The following GSE1 variants were observed in gnomAD, a reference collection of about 807,000 sequenced individuals.
GSE1 encodes Gse1 coiled-coil protein, also known as genetic suppressor element 1.
GSE1 carries 32 observed loss-of-function variants against 112.6 expected under a neutral mutation model. The ratio of observed to expected loss-of-function variants is 0.28; its 90% CI spans 0.21 to 0.38. GSE1 has a LOEUF of 0.38. Ranked by LOEUF, GSE1 falls within the 10% of genes least tolerant of loss-of-function variation. GSE1 has a pLI of 1.00. For missense variants in GSE1, 2,348 were observed against 1,699.2 expected, an observed-to-expected ratio of 1.38 and a Z score of -6.71; for synonymous variants, 1,115 against 735.6, an observed-to-expected ratio of 1.52 and a Z score of -8.35.
chr16:85,390,941 G>A (rs1050852403), intron 2 of GSE1, among the ~76,000 whole-genome samples: 4 of 152,202 alleles, frequency 2.6e-5, no homozygotes, highest in Non-Finnish European at 4.4e-5. Context: ...CAGAGGGGCC[G>A]GGCAACGCGG....
At chr16:85,454,968 T>G (rs928651182) in intron 2 of GSE1, among the ~76,000 whole-genome samples, 1 of 152,210 alleles carries the variant, frequency 6.6e-6, no homozygotes, top group Non-Finnish European at 1.5e-5. Context: ...CAGATCTTTC[T>G]GGAGAGCCGT....
intron 1 of GSE1, among the ~76,000 whole-genome samples, chr16:85,215,363 G>A (rs1431662652): frequency 6.6e-6 from 1 of 152,100 alleles, no homozygotes; most frequent in African/African-American, 2.4e-5. Context: ...GAGTCCACAC[G>A]GGCAGGCGGA....
At chr16:85,562,166 C>T (rs571622857) in intron 1 of GSE1, among the ~76,000 whole-genome samples, 1 of 150,808 alleles carries the variant, frequency 6.6e-6, no homozygotes, top group Non-Finnish European at 1.5e-5. Flanking sequence ...TGCTTATTTA[C>T]AGCTCAGAAA....
chr16:85,521,596 G>A (rs911486147), intron 2 of GSE1, among the ~76,000 whole-genome samples: 4 of 152,238 alleles, frequency 2.6e-5, no homozygotes, highest in African/African-American at 9.6e-5. Context: ...TGTCCCTGAA[G>A]TCCCCTTCCT....
At chr16:85,381,331 C>A (rs1365089140) in intron 2 of GSE1, among the ~76,000 whole-genome samples, 1 of 152,168 alleles carries the variant, frequency 6.6e-6, no homozygotes, top group Non-Finnish European at 1.5e-5. Flanking sequence ...TGTGGATAGA[C>A]CCCATGTTAT....
chr16:85,647,319 G>A (rs1385527480), intron 2 of GSE1, among the ~76,000 whole-genome samples: 1 of 152,204 alleles, frequency 6.6e-6, no homozygotes, highest in Non-Finnish European at 1.5e-5. Context: ...TGCGTTTTGG[G>A]GGCTGAGGGG....
chr16:85,670,449 T>C (rs1341762801), intron 14 of GSE1, among the ~76,000 whole-genome samples: 1 of 152,192 alleles, frequency 6.6e-6, no homozygotes, highest in South Asian at 2.1e-4. Flanking sequence ...TTAATGTATG[T>C]TCGTTAGTAT....
At chr16:85,671,190 G>A (rs1198814772) in intron 15 of GSE1, 92 bp downstream of exon 15, 2 of 699,784 alleles carry the variant, frequency 2.9e-6, no homozygotes, top group African/African-American at 1.8e-5. Context: ...GAGAGGAAAT[G>A]TGCTCTTAAG....
chr16:85,499,295 C>CTTTTTT lies in GSE1; in HGVS notation c.2465-134591_2465-134586dup, dbSNP rs568776401. ...GTCAGAGAGAAGGCAGGAAAGTCAC[C>CTTTTTT]TTTTTTTTTTTTTTTTTTTTTTTTT... On this transcript the variant is annotated intron_variant, in intron 2 of 2. Transcript: ENST00000637419. Among the ~76,000 whole-genome samples, 16 of 77,192 alleles carry CTTTTTT rather than the reference C, an allele frequency of 2.1e-4. 2 individuals are homozygous for CTTTTTT. The highest frequency in any genetic ancestry group is 8.2e-4 in the African/African-American group (16 of 19,506). The allele number at this position is 77,192 out of a possible 152,430, so 50.6% of individuals were successfully genotyped here.
chr16:85,458,821 C>T (rs1335736824), intron 2 of GSE1, among the ~76,000 whole-genome samples: 1 of 152,196 alleles, frequency 6.6e-6, no homozygotes, highest in Non-Finnish European at 1.5e-5. Context: ...GATAGAGTCA[C>T]TTTGGGTTCA....
chr16:85,331,375 A>ATATATATGTG (rs2046344599), intron 1 of GSE1, among the ~76,000 whole-genome samples: 2 of 134,398 alleles, frequency 1.5e-5, no homozygotes, highest in African/African-American at 5.5e-5. Context: ...GTATATATGT[A>ATATATATGTG]TATATATGTA....
intron 1 of GSE1, among the ~76,000 whole-genome samples, chr16:85,322,614 CTT>C (rs34218941): frequency 0.089 from 11,234 of 126,084 alleles, 632 homozygotes; most frequent in African/African-American, 0.17. Context: ...CTCCATTTTG[CTT>C]TTTTTTTTTT....
intron 1 of GSE1, among the ~76,000 whole-genome samples, chr16:85,262,667 G>C (rs1907826247): frequency 6.6e-6 from 1 of 152,234 alleles, no homozygotes; most frequent in Admixed American, 6.5e-5. Flanking sequence ...TCTGGATTTA[G>C]CAATCAGACC....
At position 85,673,987 on chromosome 16, in the gene GSE1, C is replaced by CTGGGCTCATCACACCAAGGCAA. The variant is rs2053540478; in HGVS notation, c.*1449_*1470dup. ...TGACAAGCACAGGAACGGTCAGAAA[C>CTGGGCTCATCACACCAAGGCAA]TGGGCTCATCACACCAAGGCAAAGC... On this transcript the variant is annotated 3_prime_UTR_variant, in exon 16 of 16. Transcript: ENST00000253458. 1 of 152,288 alleles carries CTGGGCTCATCACACCAAGGCAA rather than the reference C, an allele frequency of 6.6e-6. No homozygotes were observed. Among genetic ancestry groups the CTGGGCTCATCACACCAAGGCAA allele is most frequent in the African/African-American group, 2.4e-5 (1 of 41,466 alleles). 9.4% of individuals were successfully genotyped at this position (152,288 alleles called of 1,614,324 possible). A position where few individuals can be genotyped will look rare whatever the true frequency, so the allele number is the denominator to read the frequency against.
At chr16:85,550,755 G>A (rs979742569) in intron 2 of GSE1, among the ~76,000 whole-genome samples, 2 of 152,170 alleles carry the variant, frequency 1.3e-5, no homozygotes, top group African/African-American at 2.4e-5. Context: ...GGCTGTCTCC[G>A]TGCTGTGGCA....
chr16:85,576,067 A>G (rs1482521908), intron 1 of GSE1, among the ~76,000 whole-genome samples: 4 of 152,210 alleles, frequency 2.6e-5, no homozygotes, highest in Non-Finnish European at 5.9e-5. Context: ...GTGCCAGGCC[A>G]GAGGCCCACA....
At chr16:85,317,675 T>C (rs2046014755) in intron 1 of GSE1, among the ~76,000 whole-genome samples, 1 of 152,104 alleles carries the variant, frequency 6.6e-6, no homozygotes, top group South Asian at 2.1e-4. Flanking sequence ...CCGAGGCCCC[T>C]GGCAAGATTG....
chr16:85,278,392 G>A (rs921262652), intron 1 of GSE1, among the ~76,000 whole-genome samples: 1 of 152,178 alleles, frequency 6.6e-6, no homozygotes, highest in African/African-American at 2.4e-5. Context: ...GTTTTTGTCT[G>A]TGTTTGCCTG....
intron 1 of GSE1, among the ~76,000 whole-genome samples, chr16:85,600,610 A>C (rs79297484): frequency 0.014 from 2,068 of 150,440 alleles, 39 homozygotes; most frequent in African/African-American, 0.041. Context: ...ACACACACAC[A>C]CCCCAAAAAC....
Sources: gnomAD v4.1 joint callset for allele counts (sites outside exome capture counted in the v4.1 genomes callset) on GRCh38, gnomAD v4.1.1 for gene constraint, MANE v1.5 for transcripts, NCBI Gene and HGNC (gene_info 2026-07-23, HGNC 2026-07-21) for gene names.